ASRGL1: variants seen among roughly 807,000 people sequenced by gnomAD.
The protein encoded by ASRGL1 is isoaspartyl peptidase/L-asparaginase.
In ASRGL1, 16 loss-of-function variants were observed where a neutral mutation model predicts 22.4. The observed-to-expected ratio is 0.71, with a 90% confidence interval of 0.48 to 1.08. The LOEUF (loss-of-function observed/expected upper bound fraction) is 1.08. Ranked by LOEUF, ASRGL1 falls within the 50% of genes least tolerant of loss-of-function variation. The pLI, the probability that ASRGL1 is intolerant of heterozygous loss-of-function variation, is 0.00. For missense variants in ASRGL1, 412 were observed against 410.1 expected, an observed-to-expected ratio of 1.00 and a Z score of -0.04; for synonymous variants, 165 against 159.3, an observed-to-expected ratio of 1.04 and a Z score of -0.27.
Position 62,356,372 on chromosome 11 carries a change from A to G in ASRGL1, c.238A>G (p.Ser80Gly). ...AAATGGTGAGGTTGAAATGGATGCT[A>G]GTATCATGGATGGAAAAGACCTGTC... ...NTNGEVEMDA[S>G]IMDGKDLSAG... The change falls in exon 3 of 7, where the codon AGT becomes GGT. Residue 80 changes from serine to glycine, a missense_variant. Ser to Gly is a moderately conservative substitution (Grantham distance 56). Transcript: ENST00000415229. The G allele has an allele frequency of 6.2e-7, 1 of 1,614,158 alleles. No homozygotes were observed. Among genetic ancestry groups the G allele is most frequent in the Non-Finnish European group, 8.5e-7 (1 of 1,179,940 alleles).
At chr11:62,395,189 G>A (rs1000582207), downstream of ASRGL1, among the ~76,000 whole-genome samples, 4 of 152,086 alleles carry the variant, frequency 2.6e-5, no homozygotes, top group Admixed American at 6.6e-5. Context: ...CAAATGGCCC[G>A]AAGAACCCAC....
intron 4 of ASRGL1, among the ~76,000 whole-genome samples, chr11:62,369,693 G>A (rs1425771989): frequency 6.6e-6 from 1 of 152,044 alleles, no homozygotes; most frequent in African/African-American, 2.4e-5. Flanking sequence ...AATTTAAATG[G>A]GCTTTTGATG....
At chr11:62,343,620 C>G (rs182471128) in intron 2 of ASRGL1, among the ~76,000 whole-genome samples, 1 of 145,934 alleles carries the variant, frequency 6.9e-6, no homozygotes. Flanking sequence ...CCCAGCCACT[C>G]GGGATGCTGA....
intron 4 of ASRGL1, chr11:62,382,854 T>A (rs1947106353): frequency 6.6e-6 from 1 of 152,224 alleles, no homozygotes; most frequent in Non-Finnish European, 1.5e-5. Context: ...TAATGACTTT[T>A]AACAAGCATA....
downstream of ASRGL1, among the ~76,000 whole-genome samples, chr11:62,398,333 C>T (rs191762917): frequency 1.3e-5 from 2 of 152,178 alleles, no homozygotes; most frequent in African/African-American, 2.4e-5. Context: ...ATACAAAAAG[C>T]GTGTGTGCTC....
intron 4 of ASRGL1, among the ~76,000 whole-genome samples, chr11:62,387,369 G>A (rs1449881438): frequency 6.6e-6 from 1 of 152,136 alleles, no homozygotes; most frequent in Non-Finnish European, 1.5e-5. Flanking sequence ...AGTAAAAGTG[G>A]TACTATTAAT....
chr11:62,376,362 A>C (rs1946931283), intron 4 of ASRGL1, among the ~76,000 whole-genome samples: 1 of 151,980 alleles, frequency 6.6e-6, no homozygotes, highest in East Asian at 1.9e-4. Context: ...TGCATCTCCG[A>C]TGGGTTCATT....
intron 3 of ASRGL1, among the ~76,000 whole-genome samples, chr11:62,356,757 C>T (rs972696140): frequency 2.0e-5 from 3 of 152,124 alleles, no homozygotes; most frequent in Admixed American, 6.6e-5. Context: ...CTAAATTTAA[C>T]GTATATGTAA....
intron 4 of ASRGL1, among the ~76,000 whole-genome samples, chr11:62,383,476 G>A (rs562341198): frequency 6.7e-6 from 1 of 150,204 alleles, no homozygotes; most frequent in Non-Finnish European, 1.5e-5. Flanking sequence ...AGTGGCGGGC[G>A]CCTGTAGTCC....
intron 4 of ASRGL1, among the ~76,000 whole-genome samples, chr11:62,388,234 ACAT>A (rs1342572541): frequency 1.3e-5 from 2 of 152,236 alleles, no homozygotes; most frequent in African/African-American, 4.8e-5. Flanking sequence ...GTTGATCAAA[ACAT>A]CATAGGTGGC....
chr11:62,371,903 G>A, intron 4 of ASRGL1: 3 of 561,064 alleles, frequency 5.3e-6, no homozygotes, highest in Admixed American at 3.2e-5. Flanking sequence ...GCAGTGGGCC[G>A]AGATCGCGCC....
chr11:62,390,379 C>T (rs1947309975), intron 5 of ASRGL1, among the ~76,000 whole-genome samples: 1 of 152,228 alleles, frequency 6.6e-6, no homozygotes, highest in South Asian at 2.1e-4. Context: ...CCTGCCTGGA[C>T]AGTCATGGGG....
intron 2 of ASRGL1, among the ~76,000 whole-genome samples, chr11:62,345,689 G>A (rs1410719437): frequency 1.3e-5 from 2 of 152,098 alleles, no homozygotes; most frequent in African/African-American, 4.8e-5. Context: ...TTACTATGAT[G>A]GCTCATAGAA....
chr11:62,346,946 G>T (rs1411108094), intron 2 of ASRGL1, among the ~76,000 whole-genome samples: 1 of 150,438 alleles, frequency 6.6e-6, no homozygotes, highest in African/African-American at 2.5e-5. Context: ...CTCCAGCCTG[G>T]GGCGACAGTG....
Position 62,338,019 on chromosome 11 carries a change from C to T in ASRGL1, c.42C>T (p.Pro14=). The change falls in exon 2 of 7, where the codon CCC becomes CCT. Residue 14 remains proline, a synonymous_variant. Coordinates refer to ENST00000415229, the MANE Select transcript of ASRGL1 (RefSeq NM_001083926.2). ...IVVVHGGGAG[P]ISKDRKERVH... ...TGGTCCACGGCGGCGGAGCCGGTCC[C>T]ATCTCCAAGGATCGGAAGGAGCGAG... 1 of 1,607,610 alleles carries T rather than the reference C, an allele frequency of 6.2e-7. No individual in the cohort carries two copies. The highest frequency in any genetic ancestry group is 1.7e-4 in the Middle Eastern group (1 of 6,020).
chr11:62,364,657 C>T (rs567775752), intron 4 of ASRGL1, among the ~76,000 whole-genome samples: 139 of 152,258 alleles, frequency 9.1e-4, no homozygotes, highest in African/African-American at 3.1e-3. Context: ...GAATATAATT[C>T]CTTGGTAGGA....
intron 4 of ASRGL1, among the ~76,000 whole-genome samples, chr11:62,368,380 G>T (rs2134647212): frequency 6.6e-6 from 1 of 152,232 alleles, no homozygotes; most frequent in African/African-American, 2.4e-5. Context: ...ACTTGTGTAT[G>T]CTTTTTTGGT....
chr11:62,364,452 A>G (rs955819176), intron 4 of ASRGL1, among the ~76,000 whole-genome samples: 4 of 150,626 alleles, frequency 2.7e-5, no homozygotes, highest in Non-Finnish European at 4.4e-5. Flanking sequence ...TAAAGAAATT[A>G]AAAATAGAAC....
chr11:62,389,467 A>G (rs907695351), intron 5 of ASRGL1: 12 of 624,028 alleles, frequency 1.9e-5, no homozygotes, highest in Non-Finnish European at 3.0e-5. Context: ...TTTTTACTAG[A>G]TTGCATGCCT....
Sources: gnomAD v4.1 joint callset for allele counts (sites outside exome capture counted in the v4.1 genomes callset) on GRCh38, gnomAD v4.1.1 for gene constraint, MANE v1.5 for transcripts, NCBI Gene and HGNC (gene_info 2026-07-23, HGNC 2026-07-21) for gene names.